The following ZDHHC13 variants were observed in gnomAD, a reference collection of about 807,000 sequenced individuals.
The protein encoded by ZDHHC13 is zDHHC palmitoyltransferase 13.
ZDHHC13 carries 85 observed loss-of-function variants against 86.0 expected under a neutral mutation model. The ratio of observed to expected loss-of-function variants is 0.99; its 90% confidence interval spans 0.83 to 1.18. ZDHHC13 has a LOEUF of 1.18. Among genes scored for constraint, ZDHHC13 ranks in the 50% most tolerant of loss-of-function variants. The pLI is 0.00. For synonymous variants in ZDHHC13, 263 were observed against 246.4 expected (o/e 1.07, Z -0.63); for missense variants, 711 against 730.2 (o/e 0.97, Z 0.30).
chr11:19,119,202 C>T (rs1022003512), intron 1 of ZDHHC13, among the ~76,000 whole-genome samples: 1 of 152,128 alleles, frequency 6.6e-6, no homozygotes, highest in African/African-American at 2.4e-5. Context: ...TCTCCGCCTC[C>T]CGGGTTCATA....
At position 19,176,179 on chromosome 11, in the gene ZDHHC13, A is replaced by T; in HGVS notation, c.*219A>T. 1 of 382,996 alleles carries T rather than the reference A, an allele frequency of 2.6e-6. No individual in the cohort carries two copies. The highest frequency in any genetic ancestry group is 4.5e-6 in the Non-Finnish European group (1 of 222,762). The allele number at this position is 382,996 out of a possible 1,614,324, so 23.7% of individuals were successfully genotyped here. A position where few individuals can be genotyped will look rare whatever the true frequency, so the allele number is the denominator to read the frequency against. On this transcript the variant is annotated 3_prime_UTR_variant, in exon 17 of 17. Coordinates refer to ENST00000446113, the MANE Select transcript of ZDHHC13 (RefSeq NM_019028.3). ...TAAATCTTGGCAGACATCTAAAAAAAAAACCATATTTTTCACAAGAAAATG... is the reference window on the plus strand; with the variant it reads ...TAAATCTTGGCAGACATCTAAAAAATAAACCATATTTTTCACAAGAAAATG...
At chr11:19,157,727 C>T (rs916110885) in intron 9 of ZDHHC13, among the ~76,000 whole-genome samples, 3 of 152,160 alleles carry the variant, frequency 2.0e-5, no homozygotes, top group Non-Finnish European at 4.4e-5. Context: ...AGGATAGGAA[C>T]ATTTGAGATT....
At chr11:19,121,219 G>A (rs1848752643) in intron 1 of ZDHHC13, among the ~76,000 whole-genome samples, 1 of 152,198 alleles carries the variant, frequency 6.6e-6, no homozygotes, top group African/African-American at 2.4e-5. Flanking sequence ...GGCTCCTGAT[G>A]CAGTGCATTT....
At position 19,155,559 on chromosome 11, in the gene ZDHHC13, C is replaced by T. The variant is rs569702731; in HGVS notation, c.874-237C>T. Among the ~76,000 whole-genome samples the T allele has an allele frequency of 4.7e-5, 4 of 85,424 alleles. No individual in the cohort carries two copies. The East Asian group carries it at 1.4e-3, about 29-fold the overall frequency. 56.0% of individuals were successfully genotyped at this position (85,424 alleles called of 152,430 possible). The stretch of plus-strand genomic sequence containing the variant: ...TCGCACCATTGTGCTCCAGCCTGGG[C>T]AACAAGAATGAAACTTCATCTCAAA... On this transcript the variant is annotated intron_variant, in intron 8 of 16. Transcript: ENST00000446113.
intron 2 of ZDHHC13, among the ~76,000 whole-genome samples, chr11:19,143,719 T>C (rs1849384589): frequency 6.6e-6 from 1 of 152,224 alleles, no homozygotes; most frequent in Non-Finnish European, 1.5e-5. Flanking sequence ...TTTTGAAAGT[T>C]TCCCCTTAAG....
intron 1 of ZDHHC13, among the ~76,000 whole-genome samples, chr11:19,139,236 G>C: frequency 1.3e-5 from 2 of 152,002 alleles, no homozygotes; most frequent in Non-Finnish European, 2.9e-5. Flanking sequence ...CAAAATCAAC[G>C]TACAAAAATC....
At position 19,166,291 on chromosome 11, in the gene ZDHHC13, T is replaced by G; in HGVS notation, c.1391-11T>G. 1.2e-6 allele frequency: 2 copies of G among 1,600,476 alleles called. No homozygotes were observed. On this transcript the variant is annotated splice_polypyrimidine_tract_variant and intron_variant, in intron 13 of 16. Coordinates refer to ENST00000446113, the MANE Select transcript of ZDHHC13 (RefSeq NM_019028.3). ...AAAATATTAAGTATGTTTTTTTTCT[T>G]TTTTCTTGAGGTTTTGGCAACCATC...
chr11:19,125,078 G>A (rs997212527), intron 1 of ZDHHC13, among the ~76,000 whole-genome samples: 1 of 152,122 alleles, frequency 6.6e-6, no homozygotes, highest in African/African-American at 2.4e-5. Flanking sequence ...GTTTTTAGAC[G>A]TGACACCAAA....
chr11:19,157,698 T>G (rs1849796040), intron 9 of ZDHHC13, among the ~76,000 whole-genome samples: 1 of 152,242 alleles, frequency 6.6e-6, no homozygotes, highest in South Asian at 2.1e-4. Context: ...AAGCAAGGGC[T>G]GGTAATATCT....
At chr11:19,164,429 G>A in intron 12 of ZDHHC13, 66 bp downstream of exon 12, 1 of 1,449,814 alleles carries the variant, frequency 6.9e-7, no homozygotes, top group Non-Finnish European at 9.6e-7. Flanking sequence ...GCTGATGTAA[G>A]CATTTGTCAG....
At chr11:19,146,863 T>C (rs1264396063) in intron 3 of ZDHHC13, among the ~76,000 whole-genome samples, 1 of 152,158 alleles carries the variant, frequency 6.6e-6, no homozygotes, top group Non-Finnish European at 1.5e-5. Context: ...GGATTAGATA[T>C]TTAAAATCCT....
intron 16 of ZDHHC13, among the ~76,000 whole-genome samples, chr11:19,174,490 AATGCC>A (rs1386501200): frequency 6.6e-6 from 1 of 152,228 alleles, no homozygotes; most frequent in Non-Finnish European, 1.5e-5. Context: ...TACTGGCAGC[AATGCC>A]ATCATCCCCA....
chr11:19,129,386 C>A (rs1010210590), intron 1 of ZDHHC13, among the ~76,000 whole-genome samples: 5 of 152,054 alleles, frequency 3.3e-5, no homozygotes, highest in Admixed American at 6.5e-5. Flanking sequence ...CTGTAGATTT[C>A]TTGTAAATGT....
chr11:19,129,906 C>A (rs1309870486), intron 1 of ZDHHC13, among the ~76,000 whole-genome samples: 1 of 152,086 alleles, frequency 6.6e-6, no homozygotes, highest in East Asian at 1.9e-4. Context: ...TCCTGGCTAA[C>A]ACGGTGAAAC....
At chr11:19,155,549 C>T (rs956232615) in intron 8 of ZDHHC13, among the ~76,000 whole-genome samples, 1 of 146,658 alleles carries the variant, frequency 6.8e-6, no homozygotes, top group Non-Finnish European at 1.5e-5. Context: ...CCATTGTGCT[C>T]CAGCCTGGGC....
intron 4 of ZDHHC13, 82 bp from the exon 5 acceptor site, chr11:19,149,105 C>T: frequency 8.1e-7 from 1 of 1,231,036 alleles, no homozygotes; most frequent in Non-Finnish European, 1.0e-6. Flanking sequence ...CAAAATCCCT[C>T]ATGTCTTAGG....
In ZDHHC13 at chr11:19,142,999, C is replaced by G. The variant is rs763861295; in HGVS notation, c.49C>G (p.Pro17Ala). The G allele has an allele frequency of 6.2e-7, 1 of 1,610,074 alleles. No homozygotes were observed. The highest frequency in any genetic ancestry group is 8.5e-7 in the Non-Finnish European group (1 of 1,177,940). Residue 17 changes from proline (P) to alanine (A), a missense_variant, in exon 2 of 17, where the codon CCC becomes GCC. Pro to Ala is a conservative substitution (Grantham distance 27). Transcript: ENST00000446113. ...GSQCRNHSHG[P>A]HPPGFGRYGI... ...TCAGTGCAGGAATCACAGCCATGGC[C>G]CCCACCCTCCAGGATTTGGTCGATA...
chr11:19,172,417 T>C (rs1351532126), intron 15 of ZDHHC13, among the ~76,000 whole-genome samples: 1 of 152,196 alleles, frequency 6.6e-6, no homozygotes, highest in African/African-American at 2.4e-5. Flanking sequence ...TAAAATAATA[T>C]GATGAGAGTG....
intron 1 of ZDHHC13, among the ~76,000 whole-genome samples, chr11:19,124,810 G>T (rs903014660): frequency 7.9e-5 from 12 of 152,082 alleles, no homozygotes; most frequent in African/African-American, 2.9e-4. Flanking sequence ...TACCTATTCA[G>T]AAAAGCAGGT....
Sources: gnomAD v4.1 joint callset for allele counts (sites outside exome capture counted in the v4.1 genomes callset) on GRCh38, gnomAD v4.1.1 for gene constraint, MANE v1.5 for transcripts, NCBI Gene and HGNC (gene_info 2026-07-23, HGNC 2026-07-21) for gene names.